IQGAP3: variants seen among roughly 807,000 people sequenced by gnomAD.
IQGAP3 encodes IQ motif containing GTPase activating protein 3, also known as ras GTPase-activating-like protein IQGAP3.
In IQGAP3, 165 loss-of-function variants were observed where a neutral mutation model predicts 208.2. That is an observed-to-expected ratio of 0.79 (90% confidence interval 0.70 to 0.90). The LOEUF (loss-of-function observed/expected upper bound fraction) is 0.90. Among genes scored for constraint, IQGAP3 ranks in the 40% least tolerant of loss-of-function variants. IQGAP3 has a pLI of 0.00. For missense variants in IQGAP3, 1,811 were observed against 2,043.1 expected (o/e 0.89, Z 2.19); for synonymous variants, 703 against 803.6 (o/e 0.87, Z 2.12).
At chr1:156,567,506 T>C (rs971994663) in intron 2 of IQGAP3, among the ~76,000 whole-genome samples, 2 of 152,224 alleles carry the variant, frequency 1.3e-5, no homozygotes, top group Non-Finnish European at 2.9e-5. Context: ...CTAATGAATG[T>C]GAAAACACTT....
intron 34 of IQGAP3, among the ~76,000 whole-genome samples, 178 bp from the exon 35 acceptor site, chr1:156,529,260 A>G (rs867653520): frequency 1.3e-5 from 2 of 152,378 alleles, no homozygotes; most frequent in Middle Eastern, 6.8e-3. Flanking sequence ...GCATGTCCTC[A>G]GGGCCTCTGC....
At chr1:156,566,188 C>G in intron 3 of IQGAP3, 84 bp from the exon 4 acceptor site, 1 of 1,359,240 alleles carries the variant, frequency 7.4e-7, no homozygotes, top group South Asian at 1.2e-5. Context: ...CTTAAAGATT[C>G]AGGAGAGATG....
At chr1:156,545,840 A>G (rs1675220114) in intron 19 of IQGAP3, among the ~76,000 whole-genome samples, 1 of 152,022 alleles carries the variant, frequency 6.6e-6, no homozygotes. Flanking sequence ...CTCCCAGTGC[A>G]CAGGCCCTGG....
rs1675483707 is a variant in IQGAP3, at chr1:156,550,266, T to C, written c.1820A>G (p.Gln607Arg). The change falls in exon 16 of 38, where the codon CAG becomes CGG. Residue 607 changes from glutamine (Q) to arginine (R), a missense_variant. Gln to Arg is a conservative substitution (Grantham distance 43, BLOSUM62 1). Transcript: ENST00000361170. ...CCCCCAACCAGTCCATTTACTTCTC[T>C]GAGCTGTATTAGTGTCCTGGTTGGC... ...VRANQDTNTAQRMALGVAAIN... is the reference protein window; with the variant it reads ...VRANQDTNTARRMALGVAAIN... 7 of 1,610,466 alleles carry C rather than the reference T, an allele frequency of 4.3e-6. No individual in the cohort carries two copies. The highest frequency in any genetic ancestry group is 5.9e-6 in the Non-Finnish European group (7 of 1,177,086).
chr1:156,554,634 G>C (rs969340916), intron 12 of IQGAP3, among the ~76,000 whole-genome samples: 4 of 152,166 alleles, frequency 2.6e-5, no homozygotes, highest in South Asian at 2.1e-4. Context: ...TAGAACCATA[G>C]TACCATTAAC....
intron 19 of IQGAP3, among the ~76,000 whole-genome samples, chr1:156,545,469 T>C (rs1313460760): frequency 1.3e-5 from 2 of 151,876 alleles, no homozygotes; most frequent in East Asian, 1.9e-4. Context: ...GAACCTTTTA[T>C]ACTCACCTTT....
At position 156,554,270 on chromosome 1, in the gene IQGAP3, T is replaced by C; in HGVS notation, c.1413A>G (p.Thr471=). The change falls in exon 13 of 38, where the codon ACA becomes ACG. Residue 471 remains threonine, a synonymous_variant. Transcript: ENST00000361170. Reference sequence around the variant, plus strand: ...TTTCTCCTTCCACCTCAGCCAGGCCTGTGGCAGGGTTCACCAGGCTGCTCC... The same window carrying C: ...TTTCTCCTTCCACCTCAGCCAGGCCCGTGGCAGGGTTCACCAGGCTGCTCC... ...GFWSSLVNPA[T]GLAEVEGENA... 1.2e-6 allele frequency: 2 copies of C among 1,613,264 alleles called. No individual in the cohort carries two copies. The highest frequency in any genetic ancestry group is 1.1e-5 in the South Asian group (1 of 90,984).
chr1:156,527,107 A>G (rs547242171), intron 37 of IQGAP3, among the ~76,000 whole-genome samples: 2 of 151,698 alleles, frequency 1.3e-5, no homozygotes, highest in South Asian at 2.1e-4. Flanking sequence ...CTGGGATTAC[A>G]GGCGTGAGCC....
Position 156,535,145 on chromosome 1 carries a change from TG to T in IQGAP3, c.3507+17del. ...CAAAGGAGGGATTGGGAGGTGGGGG[TG>T]GGGAGACAACACTTGCCTTATAGAC... On this transcript the variant is annotated intron_variant, in intron 28 of 37. Coordinates refer to ENST00000361170, the MANE Select transcript of IQGAP3 (RefSeq NM_178229.5). The T allele has an allele frequency of 6.6e-7, 1 of 1,518,094 alleles. No individual in the cohort carries two copies. The highest frequency in any genetic ancestry group is 9.1e-7 in the Non-Finnish European group (1 of 1,097,836). 94.0% of individuals were successfully genotyped at this position (1,518,094 alleles called of 1,614,324 possible).
intron 32 of IQGAP3, among the ~76,000 whole-genome samples, chr1:156,532,199 C>CA (rs1412227605): frequency 6.6e-6 from 1 of 151,652 alleles, no homozygotes; most frequent in African/African-American, 2.4e-5. Context: ...TCAGGCTGGC[C>CA]AACATGGTGA....
At chr1:156,542,365 T>A (rs894226142) in intron 22 of IQGAP3, among the ~76,000 whole-genome samples, 1 of 152,098 alleles carries the variant, frequency 6.6e-6, no homozygotes, top group African/African-American at 2.4e-5. Context: ...AATTTTTGTA[T>A]CTTTAGTAGA....
In IQGAP3 at chr1:156,527,946, C is replaced by T. The variant is rs1485432760; in HGVS notation, c.4782+6G>A. ...GTCCTGCAGGCTCATGGGACTGTCC[C>T]CTCACCTGATAGTGAAGCTGAAATC... On this transcript the variant is annotated splice_donor_region_variant and intron_variant, in intron 37 of 37. Coordinates refer to ENST00000361170, the MANE Select transcript of IQGAP3 (RefSeq NM_178229.5). The T allele has an allele frequency of 1.3e-6, 2 of 1,599,074 alleles. No homozygotes were observed. Among genetic ancestry groups the T allele is most frequent in the Admixed American group, 1.7e-5 (1 of 60,014 alleles).
At chr1:156,527,242 GA>G (rs575945260) in intron 37 of IQGAP3, among the ~76,000 whole-genome samples, 2 of 151,884 alleles carry the variant, frequency 1.3e-5, no homozygotes, top group South Asian at 4.2e-4. Flanking sequence ...AGCATTTTGG[GA>G]GGCTGAGGCG....
chr1:156,528,668 CTTG>C, intron 35 of IQGAP3, 58 bp from the exon 36 acceptor site: 1 of 1,417,290 alleles, frequency 7.1e-7, no homozygotes, highest in Non-Finnish European at 9.8e-7. Context: ...ACCAAAGAAA[CTTG>C]TTTTCTGTGG....
chr1:156,535,488 C>G lies in IQGAP3; in HGVS notation c.3423-241G>C, dbSNP rs900935882. Among the ~76,000 whole-genome samples, 9 of 152,142 alleles carry G rather than the reference C, an allele frequency of 5.9e-5. 1 individual carries two copies. The South Asian group carries it at 1.9e-3, about 32-fold the overall frequency. On this transcript the variant is annotated intron_variant, in intron 27 of 37. Transcript: ENST00000361170. The stretch of plus-strand genomic sequence containing the variant: ...GTCAGGACCAGGGCCCTATCATCTA[C>G]TAAATCTCTCACACAGCCTCCAACC...
intron 37 of IQGAP3, among the ~76,000 whole-genome samples, chr1:156,527,272 C>G (rs911858073): frequency 2.6e-5 from 4 of 151,428 alleles, no homozygotes; most frequent in South Asian, 2.1e-4. Context: ...ACAAGGTCAG[C>G]AGTTCAAGAC....
chr1:156,534,998 G>A (rs1674623698), intron 28 of IQGAP3, among the ~76,000 whole-genome samples, 165 bp downstream of exon 28: 1 of 152,202 alleles, frequency 6.6e-6, no homozygotes. Flanking sequence ...TCTGCCACCT[G>A]AAGCCCTGCG....
intron 22 of IQGAP3, among the ~76,000 whole-genome samples, chr1:156,543,101 A>G (rs535952608): frequency 6.6e-6 from 1 of 152,306 alleles, no homozygotes; most frequent in Non-Finnish European, 1.5e-5. Flanking sequence ...CAGAAAAACC[A>G]TAAACTGAAG....
chr1:156,551,643 G>C, intron 15 of IQGAP3, 62 bp downstream of exon 15: 1 of 1,523,336 alleles, frequency 6.6e-7, no homozygotes, highest in South Asian at 1.2e-5. Flanking sequence ...ACTGGGTACA[G>C]TGCAACCCAC....
Sources: allele counts gnomAD v4.1 joint callset (sites outside exome capture counted in the v4.1 genomes callset), GRCh38; gene constraint gnomAD v4.1.1; transcripts MANE v1.5; gene names NCBI Gene and HGNC (gene_info 2026-07-23, HGNC 2026-07-21).